The following THSD7B variants were observed in gnomAD, a reference collection of about 807,000 sequenced individuals.
The protein encoded by THSD7B is thrombospondin type-1 domain-containing protein 7B.
A neutral mutation model predicts 213.6 loss-of-function variants in THSD7B; 138 were observed. The ratio of observed to expected loss-of-function variants is 0.65; its 90% CI spans 0.56 to 0.74. The LOEUF is 0.74. THSD7B is among the 30% of genes least tolerant of loss of function. The pLI, the probability that THSD7B is intolerant of heterozygous loss-of-function variation, is 0.00. For missense variants in THSD7B, 1,931 were observed against 1,991.5 expected, an observed-to-expected ratio of 0.97 and a Z score of 0.58; for synonymous variants, 742 against 687.0, an observed-to-expected ratio of 1.08 and a Z score of -1.25.
At chr2:137,104,495 G>T (rs77992739) in intron 4 of THSD7B, among the ~76,000 whole-genome samples, 1 of 151,872 alleles carries the variant, frequency 6.6e-6, no homozygotes, top group South Asian at 2.1e-4. Context: ...ACAAGTAAAA[G>T]AACTAGAGAA....
intron 2 of THSD7B, among the ~76,000 whole-genome samples, chr2:136,983,350 G>GACACACACACACACACACAC (rs1440218135): frequency 2.1e-4 from 11 of 53,072 alleles, no homozygotes; most frequent in African/African-American, 7.0e-4. Flanking sequence ...CACACACACA[G>GACACACACACACACACACAC]ACACACAGAC....
At chr2:137,345,296 T>A (rs1310621201) in intron 12 of THSD7B, among the ~76,000 whole-genome samples, 1 of 151,664 alleles carries the variant, frequency 6.6e-6, no homozygotes, top group Admixed American at 6.6e-5. Context: ...ATAAAACACA[T>A]TTTGACATTA....
intron 5 of THSD7B, among the ~76,000 whole-genome samples, chr2:137,134,238 C>T (rs1202988151): frequency 6.6e-6 from 1 of 152,130 alleles, no homozygotes; most frequent in Non-Finnish European, 1.5e-5. Context: ...TGCTCTTACC[C>T]GCTGTTTCAG....
rs1247143557 is a variant in THSD7B, at chr2:136,842,612, A to G, written c.-35-39532A>G. Among the ~76,000 whole-genome samples, 3 of 152,232 alleles carry G rather than the reference A, an allele frequency of 2.0e-5. No individual in the cohort carries two copies. The East Asian group carries it at 5.8e-4, about 29-fold the overall frequency. On this transcript the variant is annotated intron_variant, in intron 1 of 27. Coordinates refer to ENST00000409968, the MANE Select transcript of THSD7B (RefSeq NM_001316349.2). ...TTCCTAAAATTGACATTTGGAAGTAAAGCACAAGGTAAACTTGTCTCCTCT... is the reference window on the plus strand; with the variant it reads ...TTCCTAAAATTGACATTTGGAAGTAGAGCACAAGGTAAACTTGTCTCCTCT...
At chr2:136,798,163 C>G (rs1427737651) in intron 1 of THSD7B, among the ~76,000 whole-genome samples, 2 of 151,802 alleles carry the variant, frequency 1.3e-5, no homozygotes, top group African/African-American at 4.8e-5. Flanking sequence ...AAACCTGATT[C>G]TTTCAGTTTG....
chr2:137,182,633 C>T (rs747059879), intron 7 of THSD7B, among the ~76,000 whole-genome samples: 5 of 152,094 alleles, frequency 3.3e-5, no homozygotes, highest in East Asian at 1.9e-4. Context: ...CAAACATACT[C>T]GCCCATCTCT....
At chr2:136,846,615 A>T (rs1295280795) in intron 1 of THSD7B, among the ~76,000 whole-genome samples, 1 of 152,152 alleles carries the variant, frequency 6.6e-6, no homozygotes, top group Non-Finnish European at 1.5e-5. Flanking sequence ...AGTAATTCAT[A>T]CAGAGTGCAG....
At chr2:137,580,311 T>A (rs1681547738) in intron 17 of THSD7B, among the ~76,000 whole-genome samples, 1 of 152,158 alleles carries the variant, frequency 6.6e-6, no homozygotes, top group Non-Finnish European at 1.5e-5. Context: ...TAATGGGGTG[T>A]TTTCTTCCAT....
chr2:136,999,765 T>C (rs546129270), intron 2 of THSD7B, among the ~76,000 whole-genome samples: 1 of 152,236 alleles, frequency 6.6e-6, no homozygotes, highest in Admixed American at 6.5e-5. Flanking sequence ...AATGTCTGAC[T>C]AAAGCCCAGC....
At chr2:137,575,742 A>ATATATATATATATATATATATATATATTT (rs1235744133) in intron 17 of THSD7B, among the ~76,000 whole-genome samples, 1 of 147,328 alleles carries the variant, frequency 6.8e-6, no homozygotes, top group Non-Finnish European at 1.5e-5. Context: ...ATATATATAT[A>ATATATATATATATATATATATATATATTT]TTTTTACTTT....
At chr2:136,809,513 C>T (rs754546422) in intron 1 of THSD7B, among the ~76,000 whole-genome samples, 11 of 152,096 alleles carry the variant, frequency 7.2e-5, no homozygotes, top group Admixed American at 2.0e-4. Flanking sequence ...CTTATTACAA[C>T]GTAGACTCTG....
intron 15 of THSD7B, among the ~76,000 whole-genome samples, chr2:137,456,913 T>C (rs891491885): frequency 6.6e-6 from 1 of 152,190 alleles, no homozygotes; most frequent in Admixed American, 6.5e-5. Context: ...ATGCCTTATA[T>C]AAGCTGGTGT....
chr2:137,140,713 G>T (rs999221684), intron 5 of THSD7B, among the ~76,000 whole-genome samples: 1 of 152,056 alleles, frequency 6.6e-6, no homozygotes, highest in Non-Finnish European at 1.5e-5. Context: ...TCCATTTTAT[G>T]ATAAGAACTG....
At chr2:137,210,389 T>C (rs1357441138) in intron 7 of THSD7B, among the ~76,000 whole-genome samples, 2 of 152,072 alleles carry the variant, frequency 1.3e-5, no homozygotes, top group East Asian at 3.9e-4. Context: ...TATAATTGGT[T>C]CAGAGATATA....
intron 15 of THSD7B, among the ~76,000 whole-genome samples, chr2:137,529,694 T>G (rs1289682025): frequency 2.0e-5 from 3 of 151,848 alleles, no homozygotes; most frequent in Admixed American, 1.3e-4. Context: ...AGTTTAAGCT[T>G]TTTAATAAGA....
chr2:137,302,782 G>A (rs375217865), intron 12 of THSD7B, among the ~76,000 whole-genome samples: 2 of 152,168 alleles, frequency 1.3e-5, no homozygotes, highest in East Asian at 1.9e-4. Context: ...TCTTAAAAGC[G>A]AGAATGGATG....
chr2:137,114,841 C>CT (rs1558926039), intron 4 of THSD7B, among the ~76,000 whole-genome samples: 2 of 152,200 alleles, frequency 1.3e-5, no homozygotes, highest in Non-Finnish European at 2.9e-5. Flanking sequence ...TTCCCTCACT[C>CT]TCTTCCAGCT....
intron 12 of THSD7B, among the ~76,000 whole-genome samples, chr2:137,350,854 A>G (rs1406958414): frequency 2.0e-5 from 3 of 152,076 alleles, no homozygotes; most frequent in Non-Finnish European, 1.5e-5. Context: ...AGACGAAACC[A>G]GGACAACACC....
At chr2:137,674,099 C>T (rs1683642250) in intron 27 of THSD7B, among the ~76,000 whole-genome samples, 1 of 152,138 alleles carries the variant, frequency 6.6e-6, no homozygotes, top group Non-Finnish European at 1.5e-5. Flanking sequence ...ACGTGTCTCC[C>T]AGGTGATAGT....
Sources: allele counts gnomAD v4.1 joint callset (sites outside exome capture counted in the v4.1 genomes callset), GRCh38; gene constraint gnomAD v4.1.1; transcripts MANE v1.5; gene names NCBI Gene and HGNC (gene_info 2026-07-23, HGNC 2026-07-21).